The following DYNC2H1 variants were observed in gnomAD, a reference collection of about 807,000 sequenced individuals.
DYNC2H1 encodes dynein cytoplasmic 2 heavy chain 1.
In DYNC2H1, 410 loss-of-function variants were observed where a neutral mutation model predicts 570.0. The ratio of observed to expected loss-of-function variants is 0.72; its 90% CI spans 0.66 to 0.78. The LOEUF is 0.78. Ranked by LOEUF, DYNC2H1 falls within the 30% of genes least tolerant of loss-of-function variation. DYNC2H1 has a pLI of 0.00. For missense variants in DYNC2H1, 4,865 were observed against 5,046.4 expected, an observed-to-expected ratio of 0.96 and a Z score of 1.09; for synonymous variants, 1,688 against 1,677.6, an observed-to-expected ratio of 1.01 and a Z score of -0.15.
At chr11:103,419,731 C>A (rs991701427) in intron 84 of DYNC2H1, among the ~76,000 whole-genome samples, 2 of 152,146 alleles carry the variant, frequency 1.3e-5, no homozygotes, top group African/African-American at 4.8e-5. Context: ...CTCTTCTCCT[C>A]CAAATGACTG....
intron 83 of DYNC2H1, among the ~76,000 whole-genome samples, chr11:103,366,538 G>A (rs1940916115): frequency 6.6e-6 from 1 of 151,796 alleles, no homozygotes; most frequent in Non-Finnish European, 1.5e-5. Flanking sequence ...GTTAAAATAG[G>A]ACTGAAATGA....
At chr11:103,238,895 C>A (rs1433109245) in intron 63 of DYNC2H1, among the ~76,000 whole-genome samples, 1 of 152,082 alleles carries the variant, frequency 6.6e-6, no homozygotes, top group Non-Finnish European at 1.5e-5. Context: ...GATCATATGT[C>A]CTGGATTGCT....
chr11:103,131,402 C>T (rs1859260779), intron 13 of DYNC2H1, among the ~76,000 whole-genome samples: 1 of 152,122 alleles, frequency 6.6e-6, no homozygotes, highest in Non-Finnish European at 1.5e-5. Flanking sequence ...CATTCTCCTG[C>T]CTCAGCCTCA....
chr11:103,330,364 T>C (rs1938714566), intron 82 of DYNC2H1, among the ~76,000 whole-genome samples: 1 of 151,868 alleles, frequency 6.6e-6, no homozygotes, highest in Non-Finnish European at 1.5e-5. Context: ...ACTTTAAAAT[T>C]AAGCTAAATT....
intron 65 of DYNC2H1, among the ~76,000 whole-genome samples, chr11:103,248,460 A>G (rs1864705856): frequency 6.6e-6 from 1 of 152,042 alleles, no homozygotes; most frequent in South Asian, 2.1e-4. Context: ...AAAAGAATAT[A>G]AAAGAGAAAT....
chr11:103,307,134 A>G (rs1402847394), intron 77 of DYNC2H1, among the ~76,000 whole-genome samples: 1 of 152,186 alleles, frequency 6.6e-6, no homozygotes, highest in Non-Finnish European at 1.5e-5. Context: ...AGATAGTCAT[A>G]AGAGTCTGGA....
In DYNC2H1 at chr11:103,159,045, T is replaced by G; in HGVS notation, c.4378+18T>G. 9 of 1,580,360 alleles carry G rather than the reference T, an allele frequency of 5.7e-6. No individual in the cohort carries two copies. Among genetic ancestry groups the G allele is most frequent in the Non-Finnish European group, 7.8e-6 (9 of 1,152,944 alleles). Reference sequence around the variant, plus strand: ...TTTTGCTGGTAGGATTCAACATTTATTTAACAGATATTTATTGAGTTTCAA... The same window carrying G: ...TTTTGCTGGTAGGATTCAACATTTAGTTAACAGATATTTATTGAGTTTCAA... On this transcript the variant is annotated intron_variant, in intron 28 of 88. Transcript: ENST00000375735.
chr11:103,235,203 C>T (rs1864174846), intron 61 of DYNC2H1, among the ~76,000 whole-genome samples: 1 of 151,896 alleles, frequency 6.6e-6, no homozygotes, highest in African/African-American at 2.4e-5. Flanking sequence ...GAAAACCTTT[C>T]ACAATCTGCC....
At chr11:103,116,247 G>A (rs1012657791) in intron 4 of DYNC2H1, among the ~76,000 whole-genome samples, 1 of 152,102 alleles carries the variant, frequency 6.6e-6, no homozygotes, top group African/African-American at 2.4e-5. Context: ...ACTACAGTGG[G>A]TAGTGTATAT....
intron 10 of DYNC2H1, among the ~76,000 whole-genome samples, chr11:103,122,419 C>A (rs1226363872): frequency 1.3e-5 from 2 of 152,202 alleles, no homozygotes; most frequent in Admixed American, 6.5e-5. Flanking sequence ...AATTGACATT[C>A]CCTTTGGCCT....
At chr11:103,150,616 C>A (rs1003958758) in intron 20 of DYNC2H1, among the ~76,000 whole-genome samples, 2 of 152,120 alleles carry the variant, frequency 1.3e-5, no homozygotes, top group African/African-American at 4.8e-5. Flanking sequence ...AAGGTAAGGA[C>A]TACAAATACA....
chr11:103,353,730 T>C (rs1216437161), intron 82 of DYNC2H1, among the ~76,000 whole-genome samples: 3 of 152,196 alleles, frequency 2.0e-5, no homozygotes, highest in African/African-American at 7.2e-5. Flanking sequence ...CCTTATGTTT[T>C]AGGTGCCCAC....
chr11:103,273,847 G>A (rs1042188156), intron 70 of DYNC2H1, among the ~76,000 whole-genome samples: 3 of 152,084 alleles, frequency 2.0e-5, no homozygotes, highest in African/African-American at 7.2e-5. Flanking sequence ...CATTCTTAAG[G>A]TCAGGATATC....
At chr11:103,292,452 A>G (rs1866654602) in intron 75 of DYNC2H1, among the ~76,000 whole-genome samples, 1 of 152,126 alleles carries the variant, frequency 6.6e-6, no homozygotes, top group African/African-American at 2.4e-5. Context: ...ATATCTTTCT[A>G]TATTGTCTAT....
chr11:103,133,582 TCA>T lies in DYNC2H1; in HGVS notation c.1984_1985del (p.Gln662AspfsTer5). 4.3e-6 allele frequency: 7 copies of T among 1,609,724 alleles called. No homozygotes were observed. The highest frequency in any genetic ancestry group is 5.9e-6 in the Non-Finnish European group (7 of 1,178,752). ...TTCAAAAGCAGGAAGTGGAGGGAAA[TCA>T]CAGATAACTTGGGATAATCCTAAAG... ...KNSKAGSGGK[S>X]QITWDNPKEL... On this transcript the variant is annotated frameshift_variant, in exon 14 of 89. Transcript: ENST00000375735. LOFTEE classifies it high-confidence loss of function. The surrounding 1 kb of genome is among the most constrained non-coding windows in gnomAD (Gnocchi z 4.8).
intron 75 of DYNC2H1, among the ~76,000 whole-genome samples, chr11:103,291,110 A>G (rs1274422987): frequency 6.6e-6 from 1 of 152,216 alleles, no homozygotes; most frequent in African/African-American, 2.4e-5. Context: ...TTTAATGTTT[A>G]TATTTATTGA....
chr11:103,171,428 G>A (rs915907050), intron 34 of DYNC2H1, among the ~76,000 whole-genome samples: 1 of 151,856 alleles, frequency 6.6e-6, no homozygotes, highest in African/African-American at 2.4e-5. Flanking sequence ...GCTAATTTTT[G>A]TATTTTTAGT....
intron 47 of DYNC2H1, among the ~76,000 whole-genome samples, chr11:103,194,504 A>G (rs1862441541): frequency 6.6e-6 from 1 of 151,910 alleles, no homozygotes; most frequent in South Asian, 2.1e-4. Context: ...GCTTTTTTTT[A>G]TAGCGGTATT....
intron 84 of DYNC2H1, among the ~76,000 whole-genome samples, chr11:103,412,215 C>A (rs556119240): frequency 6.6e-6 from 1 of 152,156 alleles, no homozygotes; most frequent in East Asian, 1.9e-4. Flanking sequence ...ATTTAATGTG[C>A]TTTAGGAAAG....
Sources: allele counts gnomAD v4.1 joint callset (sites outside exome capture counted in the v4.1 genomes callset), GRCh38; gene constraint gnomAD v4.1.1; non-coding constraint Gnocchi (gnomAD v3.1); transcripts MANE v1.5; gene names NCBI Gene and HGNC (gene_info 2026-07-23, HGNC 2026-07-21).